Variants in LRRTM4 observed in about 807,000 individuals in gnomAD.
LRRTM4 encodes leucine-rich repeat transmembrane neuronal protein 4.
LRRTM4 carries 25 observed loss-of-function variants against 47.6 expected under a neutral mutation model. The ratio of observed to expected loss-of-function variants is 0.53; its 90% CI spans 0.38 to 0.73. The LOEUF is 0.73. Among genes scored for constraint, LRRTM4 ranks in the 30% least tolerant of loss-of-function variants. The pLI, the probability that LRRTM4 is intolerant of heterozygous loss-of-function variation, is 0.00. For missense variants in LRRTM4, 638 were observed against 713.4 expected, an observed-to-expected ratio of 0.89 and a Z score of 1.20; for synonymous variants, 311 against 269.5, an observed-to-expected ratio of 1.15 and a Z score of -1.51.
chr2:77,338,591 A>C (rs1332146710), intron 3 of LRRTM4, among the ~76,000 whole-genome samples: 2 of 152,168 alleles, frequency 1.3e-5, no homozygotes, highest in East Asian at 1.9e-4. Context: ...AAAACAAAAA[A>C]ACAGAAAACA....
chr2:76,880,889 T>C (rs1672909295), intron 3 of LRRTM4, among the ~76,000 whole-genome samples: 2 of 152,188 alleles, frequency 1.3e-5, no homozygotes, highest in Admixed American at 1.3e-4. Context: ...AACATCTTTA[T>C]AATCCTTAAA....
chr2:77,093,593 C>A (rs1396613677), intron 3 of LRRTM4, among the ~76,000 whole-genome samples: 1 of 151,788 alleles, frequency 6.6e-6, no homozygotes, highest in Admixed American at 6.6e-5. Flanking sequence ...TACCATCCCC[C>A]CAAAAATTTT....
At chr2:77,435,370 T>C (rs765415803) in intron 3 of LRRTM4, among the ~76,000 whole-genome samples, 3 of 152,174 alleles carry the variant, frequency 2.0e-5, no homozygotes, top group African/African-American at 4.8e-5. Flanking sequence ...ATGAGACATA[T>C]TTTAAAGTTT....
At chr2:76,970,833 T>C (rs946487157) in intron 3 of LRRTM4, among the ~76,000 whole-genome samples, 1 of 151,952 alleles carries the variant, frequency 6.6e-6, no homozygotes, top group Non-Finnish European at 1.5e-5. Flanking sequence ...TGGTTCCAGG[T>C]TGGAGAAGTT....
chr2:76,793,878 G>T (rs562631741), intron 3 of LRRTM4, among the ~76,000 whole-genome samples: 2 of 152,148 alleles, frequency 1.3e-5, no homozygotes, highest in Non-Finnish European at 2.9e-5. Context: ...CAATTCGTAT[G>T]ATCTAGGGAA....
intron 3 of LRRTM4, among the ~76,000 whole-genome samples, chr2:76,921,696 G>C (rs894761836): frequency 6.6e-6 from 1 of 151,884 alleles, no homozygotes; most frequent in Non-Finnish European, 1.5e-5. Flanking sequence ...TTGGCAGTTA[G>C]GTATCTTTTA....
intron 3 of LRRTM4, among the ~76,000 whole-genome samples, chr2:77,158,533 T>G (rs1036925796): frequency 2.0e-5 from 3 of 152,198 alleles, no homozygotes; most frequent in African/African-American, 7.2e-5. Context: ...GCCTATTTTT[T>G]TACCTTTTTT....
chr2:77,119,455 A>G (rs539697905), intron 3 of LRRTM4, among the ~76,000 whole-genome samples: 4 of 151,860 alleles, frequency 2.6e-5, no homozygotes, highest in Non-Finnish European at 4.4e-5. Flanking sequence ...AAGGTATCTA[A>G]GAGCAATTAA....
Position 76,783,210 on chromosome 2 carries a change from A to G in LRRTM4, c.1552-34294T>C, listed in dbSNP as rs148356289. ...TCCTCACTACCATGACTCCTACCCC[A>G]TAGTAAGCAGTAAGCTAAATGTTGT... is the stretch of plus-strand genomic sequence containing the variant. On this transcript the variant is annotated intron_variant, in intron 3 of 3. Coordinates refer to ENST00000409884, the MANE Select transcript of LRRTM4 (RefSeq NM_001134745.3). Among the ~76,000 whole-genome samples the G allele has an allele frequency of 6.6e-4, 101 of 152,318 alleles. 1 individual carries two copies. In the East Asian group the frequency reaches 0.016, roughly 24 times the overall value.
intron 3 of LRRTM4, among the ~76,000 whole-genome samples, chr2:77,492,818 T>C (rs969861647): frequency 6.6e-6 from 1 of 152,100 alleles, no homozygotes; most frequent in African/African-American, 2.4e-5. Flanking sequence ...ATATTATCAT[T>C]AGGATAGTTA....
intron 3 of LRRTM4, among the ~76,000 whole-genome samples, chr2:76,837,266 TTCTC>T (rs984446455): frequency 2.0e-5 from 3 of 149,000 alleles, no homozygotes; most frequent in East Asian, 1.9e-4. Flanking sequence ...TATTTGATTC[TTCTC>T]TCTTTTTTTA....
chr2:77,275,516 G>T (rs1031143862), intron 3 of LRRTM4, among the ~76,000 whole-genome samples: 4 of 151,942 alleles, frequency 2.6e-5, no homozygotes, highest in African/African-American at 7.3e-5. Flanking sequence ...ATTGTAAAAA[G>T]GTCCCCAAAA....
At chr2:76,951,875 T>C (rs1417141820) in intron 3 of LRRTM4, among the ~76,000 whole-genome samples, 2 of 151,832 alleles carry the variant, frequency 1.3e-5, no homozygotes, top group East Asian at 3.9e-4. Flanking sequence ...AGTGAGAACA[T>C]GCAGTGTTTA....
intron 3 of LRRTM4, among the ~76,000 whole-genome samples, chr2:77,239,144 AT>A (rs1675191802): frequency 6.6e-6 from 1 of 151,952 alleles, no homozygotes; most frequent in Non-Finnish European, 1.5e-5. Flanking sequence ...ATGTAATTGA[AT>A]TTCCAAATAA....
intron 3 of LRRTM4, among the ~76,000 whole-genome samples, chr2:77,178,744 A>G (rs1673269161): frequency 6.6e-6 from 1 of 152,204 alleles, no homozygotes; most frequent in South Asian, 2.1e-4. Flanking sequence ...TATTGCAAAC[A>G]CATTTTGGCA....
chr2:76,980,736 G>A (rs1475739374), intron 3 of LRRTM4, among the ~76,000 whole-genome samples: 1 of 152,074 alleles, frequency 6.6e-6, no homozygotes, highest in Non-Finnish European at 1.5e-5. Flanking sequence ...TGGTAACCAT[G>A]AGAAAAGATT....
intron 3 of LRRTM4, among the ~76,000 whole-genome samples, chr2:77,477,903 A>AAAAGAAAGAAAGAAGAAAG (rs1677480935): frequency 9.1e-6 from 1 of 109,826 alleles, no homozygotes; most frequent in Admixed American, 1.1e-4. Context: ...AAAAGAAAGA[A>AAAAGAAAGAAAGAAGAAAG]AAAGAAAGAA....
intron 3 of LRRTM4, among the ~76,000 whole-genome samples, chr2:77,117,525 TC>T (rs1671419219): frequency 1.3e-5 from 2 of 151,922 alleles, no homozygotes; most frequent in East Asian, 1.9e-4. Flanking sequence ...TTCTTTTTTT[TC>T]CCCAAAACCT....
intron 3 of LRRTM4, among the ~76,000 whole-genome samples, chr2:77,067,691 A>ACG (rs1680003372): frequency 6.7e-6 from 1 of 149,804 alleles, no homozygotes; most frequent in South Asian, 2.1e-4. Context: ...ATACGTACAC[A>ACG]CACACACACA....
Sources: allele counts gnomAD v4.1 joint callset (sites outside exome capture counted in the v4.1 genomes callset), GRCh38; gene constraint gnomAD v4.1.1; transcripts MANE v1.5; gene names NCBI Gene and HGNC (gene_info 2026-07-23, HGNC 2026-07-21).